Variants in KSR1 observed in about 807,000 individuals in gnomAD.
The protein encoded by KSR1 is kinase suppressor of ras.
In KSR1, 35 loss-of-function variants were observed where a neutral mutation model predicts 92.9. The ratio of observed to expected loss-of-function variants is 0.38; its 90% CI spans 0.29 to 0.50. The LOEUF (loss-of-function observed/expected upper bound fraction) is 0.50, where lower values mean the gene tolerates loss of function less well. KSR1 is among the 20% of genes least tolerant of loss of function. The pLI is 0.94. For missense variants in KSR1, 972 were observed against 1,158.5 expected, an observed-to-expected ratio of 0.84 and a Z score of 2.34; for synonymous variants, 467 against 472.6, an observed-to-expected ratio of 0.99 and a Z score of 0.15.
chr17:27,623,162 G>T (rs1317270568), intron 20 of KSR1, 152 bp from the exon 21 acceptor site: 8 of 671,400 alleles, frequency 1.2e-5, no homozygotes, highest in Non-Finnish European at 1.9e-5. Flanking sequence ...AGTATGACCA[G>T]GGGCAGCTCT....
At chr17:27,491,324 TGTGTGTGTGTG>T (rs2068820163) in intron 1 of KSR1, among the ~76,000 whole-genome samples, 1 of 137,778 alleles carries the variant, frequency 7.3e-6, no homozygotes. Context: ...TGTGTGTGTG[TGTGTGTGTGTG>T]TGTGTGTGTG....
chr17:27,508,839 C>T (rs1444863044), intron 1 of KSR1, among the ~76,000 whole-genome samples: 1 of 151,902 alleles, frequency 6.6e-6, no homozygotes, highest in Admixed American at 6.6e-5. Context: ...AAGTGATTCT[C>T]CTGCCTCAGC....
intron 1 of KSR1, among the ~76,000 whole-genome samples, chr17:27,521,951 T>A (rs2070052196): frequency 6.6e-6 from 1 of 152,264 alleles, no homozygotes; most frequent in African/African-American, 2.4e-5. Context: ...GTTCTTTCCT[T>A]TCTCTTGCAC....
chr17:27,592,774 C>A, intron 9 of KSR1, 148 bp downstream of exon 9: 1 of 638,464 alleles, frequency 1.6e-6, no homozygotes, highest in Non-Finnish European at 2.7e-6. Context: ...GGGATCATAT[C>A]TTGAGCCACT....
At chr17:27,544,761 T>C (rs2071098208) in intron 1 of KSR1, among the ~76,000 whole-genome samples, 1 of 152,194 alleles carries the variant, frequency 6.6e-6, no homozygotes, top group South Asian at 2.1e-4. Flanking sequence ...TAAGAGAAAA[T>C]GACGCTACCA....
intron 3 of KSR1, among the ~76,000 whole-genome samples, chr17:27,581,147 C>T (rs1025560733): frequency 7.9e-5 from 12 of 152,012 alleles, no homozygotes; most frequent in Non-Finnish European, 1.5e-4. Flanking sequence ...GGGAGTGAGG[C>T]GTCCCACAGT....
At chr17:27,565,405 G>A (rs2151125262) in intron 2 of KSR1, among the ~76,000 whole-genome samples, 1 of 152,306 alleles carries the variant, frequency 6.6e-6, no homozygotes, top group South Asian at 2.1e-4. Flanking sequence ...ATAAAATAGA[G>A]ATGGAAAAAC....
chr17:27,541,660 T>G (rs1278287895), intron 1 of KSR1, among the ~76,000 whole-genome samples: 1 of 152,232 alleles, frequency 6.6e-6, no homozygotes, highest in Non-Finnish European at 1.5e-5. Context: ...GGAGTCATTA[T>G]TTTGAGAGGT....
intron 1 of KSR1, among the ~76,000 whole-genome samples, chr17:27,544,567 G>T (rs765341849): frequency 1.9e-4 from 29 of 152,222 alleles, no homozygotes; most frequent in Non-Finnish European, 8.8e-5. Context: ...GGTCAGGGCT[G>T]GGGTGGGCCC....
chr17:27,516,128 A>G (rs937174736), intron 1 of KSR1, among the ~76,000 whole-genome samples: 23 of 152,202 alleles, frequency 1.5e-4, no homozygotes, highest in African/African-American at 5.6e-4. Flanking sequence ...GAAGTTGCCA[A>G]AGGAGAAAAT....
intron 9 of KSR1, among the ~76,000 whole-genome samples, chr17:27,595,670 C>G (rs2073318342): frequency 7.0e-6 from 1 of 142,604 alleles, no homozygotes; most frequent in South Asian, 2.4e-4. Context: ...AGCAGCCCTC[C>G]CTTCCCAGGG....
At chr17:27,510,809 A>G (rs746427193) in intron 1 of KSR1, among the ~76,000 whole-genome samples, 10 of 152,196 alleles carry the variant, frequency 6.6e-5, no homozygotes, top group Non-Finnish European at 1.2e-4. Context: ...TCCTGGCTCA[A>G]TTCTCTGCAG....
chr17:27,529,832 A>T lies in KSR1; in HGVS notation c.232-20736A>T, dbSNP rs1407548905. Among the ~76,000 whole-genome samples the T allele has an allele frequency of 1.3e-5, 2 of 152,132 alleles. 1 individual carries two copies. The highest frequency in any genetic ancestry group is 1.3e-4 in the Admixed American group (2 of 15,274). The stretch of plus-strand genomic sequence containing the variant: ...CTGGAAGCTTTAATTTTCATATCTG[A>T]ATTCTCACAGCCTGTGTGTATCTGA... On this transcript the variant is annotated intron_variant, in intron 1 of 20. Coordinates refer to ENST00000644974, the MANE Select transcript of KSR1 (RefSeq NM_001394583.1).
In KSR1 at chr17:27,614,525, G is replaced by C. The variant is rs149491743; in HGVS notation, c.2494-2770G>C. ...GAGCTGAGCAAAGGGCTGCAAGGGAGTCAAGGCTCGGCACTGGCTGCAAGT... is the reference window on the plus strand; with the variant it reads ...GAGCTGAGCAAAGGGCTGCAAGGGACTCAAGGCTCGGCACTGGCTGCAAGT... On this transcript the variant is annotated intron_variant, in intron 18 of 20. Coordinates refer to ENST00000644974, the MANE Select transcript of KSR1 (RefSeq NM_001394583.1). Among the ~76,000 whole-genome samples, 428 of 152,374 alleles carry C rather than the reference G, an allele frequency of 2.8e-3. 3 individuals are homozygous for C. The highest frequency in any genetic ancestry group is 0.024 in the South Asian group (117 of 4,828).
intron 2 of KSR1, among the ~76,000 whole-genome samples, chr17:27,568,565 T>A (rs1416067680): frequency 6.6e-6 from 1 of 152,024 alleles, no homozygotes; most frequent in African/African-American, 2.4e-5. Flanking sequence ...CAGGGGAGAA[T>A]GGGGAGGGGG....
chr17:27,473,013 T>C (rs1293037583), intron 1 of KSR1, among the ~76,000 whole-genome samples: 2 of 152,122 alleles, frequency 1.3e-5, no homozygotes, highest in Non-Finnish European at 2.9e-5. Context: ...CCTCTCTGGC[T>C]CACCTTCAGC....
chr17:27,524,533 A>T (rs1056770076), intron 1 of KSR1, among the ~76,000 whole-genome samples: 1 of 152,208 alleles, frequency 6.6e-6, no homozygotes. Context: ...GGAGGTATTG[A>T]TGGGAGGTGA....
intron 1 of KSR1, among the ~76,000 whole-genome samples, chr17:27,511,485 A>AC (rs1156435016): frequency 6.6e-6 from 1 of 152,146 alleles, no homozygotes; most frequent in Non-Finnish European, 1.5e-5. Context: ...GGAATCTGGA[A>AC]CTGAGAAAGA....
At chr17:27,617,623 G>C in intron 19 of KSR1, 195 bp downstream of exon 19, 2 of 597,042 alleles carry the variant, frequency 3.3e-6, no homozygotes, top group South Asian at 4.4e-5. Context: ...CGCCTCCTGG[G>C]TTCAAGCAAT....
Sources: gnomAD v4.1 joint callset for allele counts (sites outside exome capture counted in the v4.1 genomes callset) on GRCh38, gnomAD v4.1.1 for gene constraint, MANE v1.5 for transcripts, NCBI Gene and HGNC (gene_info 2026-07-23, HGNC 2026-07-21) for gene names.